MEGF11: variants seen among roughly 807,000 people sequenced by gnomAD.
MEGF11 encodes the protein multiple EGF like domains 11.
In MEGF11, 126 loss-of-function variants were observed where a neutral mutation model predicts 146.6. That is an observed-to-expected ratio of 0.86 (90% CI 0.74 to 1.00). MEGF11 has a LOEUF of 1.00. MEGF11 is among the 50% of genes least tolerant of loss of function. The pLI is 0.00. For synonymous variants in MEGF11, 532 were observed against 583.4 expected, an observed-to-expected ratio of 0.91 and a Z score of 1.27; for missense variants, 1,509 against 1,521.2, an observed-to-expected ratio of 0.99 and a Z score of 0.13.
chr15:66,047,546 A>G (rs1166562545), intron 5 of MEGF11, among the ~76,000 whole-genome samples: 1 of 152,232 alleles, frequency 6.6e-6, no homozygotes, highest in Admixed American at 6.5e-5. Flanking sequence ...GATGGCCATG[A>G]ATAACCTGTT....
At chr15:66,053,174 A>G (rs944004314) in intron 5 of MEGF11, among the ~76,000 whole-genome samples, 2 of 152,156 alleles carry the variant, frequency 1.3e-5, no homozygotes, top group Non-Finnish European at 2.9e-5. Context: ...ATTGTTCACT[A>G]CTTTCACTGG....
intron 7 of MEGF11, among the ~76,000 whole-genome samples, chr15:65,976,449 C>A (rs1053527373): frequency 6.6e-6 from 1 of 152,138 alleles, no homozygotes; most frequent in African/African-American, 2.4e-5. Flanking sequence ...TATGGGGGGG[C>A]TCTCATCCAA....
chr15:66,094,638 A>T (rs932264674), intron 4 of MEGF11, 144 bp from the exon 5 acceptor site: 1 of 633,024 alleles, frequency 1.6e-6, no homozygotes, highest in African/African-American at 1.8e-5. Context: ...GGGGAAAATC[A>T]AGCTACACCT....
intron 4 of MEGF11, among the ~76,000 whole-genome samples, chr15:66,116,297 C>T (rs1267031580): frequency 6.6e-6 from 1 of 152,024 alleles, no homozygotes; most frequent in Non-Finnish European, 1.5e-5. Context: ...CCCGCCTTCC[C>T]GTCATGAAAG....
chr15:66,188,746 G>T (rs1252627750), intron 1 of MEGF11, among the ~76,000 whole-genome samples: 1 of 152,186 alleles, frequency 6.6e-6, no homozygotes, highest in Non-Finnish European at 1.5e-5. Flanking sequence ...ACAGCCATCT[G>T]GTGTTTTCCC....
At position 66,124,636 on chromosome 15, in the gene MEGF11, CA is replaced by C. The variant is rs1459863623; in HGVS notation, c.99-637del. Among the ~76,000 whole-genome samples, 3 of 152,236 alleles carry C rather than the reference CA, an allele frequency of 2.0e-5. No homozygotes were observed. The East Asian group carries it at 5.8e-4, about 29-fold the overall frequency. ...CATAAGTGGCTTCCACAAGCTCCCC[CA>C]GTTACCTTTTACTCTATTCTGCCTC... On this transcript the variant is annotated intron_variant, in intron 2 of 25. Transcript: ENST00000395614.
At chr15:65,944,824 G>A (rs188330937) in intron 10 of MEGF11, among the ~76,000 whole-genome samples, 1 of 152,008 alleles carries the variant, frequency 6.6e-6, no homozygotes, top group East Asian at 1.9e-4. Flanking sequence ...TTGGGGTGGG[G>A]ACGGCTGCCT....
At chr15:66,080,958 A>T (rs1192702002) in intron 5 of MEGF11, among the ~76,000 whole-genome samples, 1 of 152,226 alleles carries the variant, frequency 6.6e-6, no homozygotes, top group Admixed American at 6.5e-5. Flanking sequence ...GCGGTGATTC[A>T]TCTGAAGTTG....
chr15:65,985,061 G>C (rs1236076059), intron 5 of MEGF11, among the ~76,000 whole-genome samples: 3 of 152,116 alleles, frequency 2.0e-5, no homozygotes, highest in Non-Finnish European at 4.4e-5. Context: ...GAGCCACCAC[G>C]CCCGGCCAGA....
chr15:65,987,098 C>A (rs1408508582), intron 5 of MEGF11, among the ~76,000 whole-genome samples: 1 of 152,108 alleles, frequency 6.6e-6, no homozygotes, highest in East Asian at 1.9e-4. Flanking sequence ...GCTTAGTGTG[C>A]CCCTGGGTCC....
intron 1 of MEGF11, among the ~76,000 whole-genome samples, chr15:66,204,593 T>C (rs1373543755): frequency 6.6e-6 from 1 of 152,150 alleles, no homozygotes; most frequent in East Asian, 1.9e-4. Context: ...TCTCTGAGCC[T>C]CAGGTTATTC....
intron 1 of MEGF11, among the ~76,000 whole-genome samples, chr15:66,160,111 G>T (rs769776702): frequency 6.6e-6 from 1 of 152,184 alleles, no homozygotes; most frequent in African/African-American, 2.4e-5. Flanking sequence ...GCTGAGTTAA[G>T]ATTGGAAAGC....
At chr15:66,209,805 G>A (rs749923176) in intron 1 of MEGF11, among the ~76,000 whole-genome samples, 1 of 151,946 alleles carries the variant, frequency 6.6e-6, no homozygotes, top group Non-Finnish European at 1.5e-5. Flanking sequence ...AGAACAACAG[G>A]AGAGATCCTT....
intron 9 of MEGF11, among the ~76,000 whole-genome samples, chr15:65,959,020 C>T (rs549872158): frequency 5.9e-4 from 90 of 152,374 alleles, no homozygotes; most frequent in Non-Finnish European, 1.1e-3. Flanking sequence ...CCTTGCCCCG[C>T]TGGACCATTG....
chr15:66,226,971 G>C (rs1278005057), intron 1 of MEGF11, among the ~76,000 whole-genome samples: 2 of 152,154 alleles, frequency 1.3e-5, no homozygotes, highest in East Asian at 3.9e-4. Flanking sequence ...CGTTTGCCAG[G>C]CTCTTTTCCT....
intron 5 of MEGF11, among the ~76,000 whole-genome samples, chr15:66,001,222 C>T (rs543921915): frequency 4.6e-5 from 7 of 152,088 alleles, no homozygotes; most frequent in African/African-American, 1.4e-4. Context: ...GGAGTCCCCC[C>T]ACACATCCAC....
intron 1 of MEGF11, among the ~76,000 whole-genome samples, chr15:66,206,237 A>G (rs185522926): frequency 4.3e-4 from 66 of 152,338 alleles, no homozygotes; most frequent in Admixed American, 7.2e-4. Context: ...TCTGAATAAC[A>G]GGGAGAAAAC....
rs190078130 is a variant in MEGF11, at chr15:66,124,523, C to A, written c.99-523G>T. Among the ~76,000 whole-genome samples, 41 of 152,338 alleles carry A rather than the reference C, an allele frequency of 2.7e-4. No individual in the cohort carries two copies. The East Asian group carries it at 7.7e-3, about 29-fold the overall frequency. On this transcript the variant is annotated intron_variant, in intron 2 of 25. Coordinates refer to ENST00000395614, the MANE Select transcript of MEGF11 (RefSeq NM_001385028.1). ...CTAACATTTATCGAGCACCCTGTGT[C>A]AAGTGTTTCAATACGTTTCATTCCT...
chr15:65,946,823 A>T (rs74023627), intron 10 of MEGF11, among the ~76,000 whole-genome samples: 11,211 of 152,208 alleles, frequency 0.074, 416 homozygotes, highest in Middle Eastern at 0.11. Context: ...CTTAAGCACA[A>T]GACCCCACCT....
Sources: gnomAD v4.1 joint callset for allele counts (sites outside exome capture counted in the v4.1 genomes callset) on GRCh38, gnomAD v4.1.1 for gene constraint, MANE v1.5 for transcripts, NCBI Gene and HGNC (gene_info 2026-07-23, HGNC 2026-07-21) for gene names.